The following AFAP1L2 variants were observed in gnomAD, a reference collection of about 807,000 sequenced individuals.
The protein encoded by AFAP1L2 is actin filament-associated protein 1-like 2.
Under a neutral mutation model 99.3 loss-of-function variants are expected in AFAP1L2, and 46 were observed. The ratio of observed to expected loss-of-function variants is 0.46; its 90% CI spans 0.37 to 0.59. AFAP1L2 has a LOEUF of 0.59. AFAP1L2 is among the 20% of genes least tolerant of loss of function. The probability of loss-of-function intolerance (pLI) is 0.00; values close to 1 mark genes in which losing one functional copy is unlikely to be tolerated. For synonymous variants in AFAP1L2, 397 were observed against 419.1 expected (o/e 0.95, Z 0.64); for missense variants, 959 against 1,034.9 (o/e 0.93, Z 1.01).
the AFAP1L2 span, among the ~76,000 whole-genome samples, chr10:114,287,316 G>A: frequency 6.6e-6 from 1 of 152,146 alleles, no homozygotes; most frequent in African/African-American, 2.4e-5. Flanking sequence ...GAATAGCCAG[G>A]ACTACAGGTG....
At chr10:114,401,114 C>T (rs1282936314) in intron 1 of AFAP1L2, among the ~76,000 whole-genome samples, 3 of 152,144 alleles carry the variant, frequency 2.0e-5, no homozygotes, top group Admixed American at 2.0e-4. Flanking sequence ...TAGAGCTAAG[C>T]GGGGGGACTG....
the AFAP1L2 span, among the ~76,000 whole-genome samples, chr10:114,287,091 A>T: frequency 1.3e-4 from 20 of 152,266 alleles, no homozygotes; most frequent in South Asian, 4.1e-3. Context: ...CATGAAGCTG[A>T]TTTTTTATGA....
At chr10:114,404,049 T>C (rs905189931) in intron 1 of AFAP1L2, among the ~76,000 whole-genome samples, 1 of 152,134 alleles carries the variant, frequency 6.6e-6, no homozygotes, top group Non-Finnish European at 1.5e-5. Context: ...CCCGACCCTT[T>C]GCCCCCAGCA....
downstream of AFAP1L2, chr10:114,290,106 A>G: frequency 8.0e-7 from 1 of 1,248,882 alleles, no homozygotes; most frequent in Non-Finnish European, 1.1e-6. Context: ...ATGCAGCACC[A>G]ACCATGAGCT....
intron 10 of AFAP1L2, among the ~76,000 whole-genome samples, chr10:114,305,828 ATCCAGGAGGGGACGCGGG>A (rs2042221662): frequency 9.4e-6 from 1 of 105,980 alleles, no homozygotes; most frequent in Non-Finnish European, 1.9e-5. Flanking sequence ...GGGGAGGCAG[ATCCAGGAGGGGACGCGGG>A]TGCAGGAGGG....
chr10:114,358,642 C>T (rs576776857), intron 1 of AFAP1L2, among the ~76,000 whole-genome samples: 21 of 152,220 alleles, frequency 1.4e-4, no homozygotes, highest in African/African-American at 3.6e-4. Context: ...AGGCTGGGCA[C>T]GGTGGCTCAC....
chr10:114,360,543 A>AGACG (rs1248852876), intron 1 of AFAP1L2, among the ~76,000 whole-genome samples: 27 of 150,792 alleles, frequency 1.8e-4, no homozygotes, highest in African/African-American at 6.5e-4. Flanking sequence ...ATAGATAGAT[A>AGACG]GATAGATAGA....
At chr10:114,314,603 G>A (rs923812710) in intron 6 of AFAP1L2, among the ~76,000 whole-genome samples, 3 of 152,196 alleles carry the variant, frequency 2.0e-5, no homozygotes, top group African/African-American at 7.2e-5. Context: ...TGCTTAAAAG[G>A]ATTACTTGAA....
At chr10:114,300,776 T>C (rs2041021769) in intron 13 of AFAP1L2, 86 bp from the exon 14 acceptor site, 1 of 1,497,312 alleles carries the variant, frequency 6.7e-7, no homozygotes, top group Non-Finnish European at 9.0e-7. Context: ...CTCACAGTTC[T>C]GGTGCCCATC....
intron 1 of AFAP1L2, among the ~76,000 whole-genome samples, chr10:114,381,834 C>T (rs747675508): frequency 6.6e-6 from 1 of 151,476 alleles, no homozygotes; most frequent in Non-Finnish European, 1.5e-5. Context: ...AACAATCCAA[C>T]AACAACAAAA....
At chr10:114,288,699 C>T in the AFAP1L2 span, among the ~76,000 whole-genome samples, 1 of 152,352 alleles carries the variant, frequency 6.6e-6, no homozygotes, top group African/African-American at 2.4e-5. Flanking sequence ...AACTTAGACA[C>T]GTGGCCACCC....
At chr10:114,372,302 C>A (rs2054222508) in intron 1 of AFAP1L2, among the ~76,000 whole-genome samples, 1 of 152,160 alleles carries the variant, frequency 6.6e-6, no homozygotes, top group South Asian at 2.1e-4. Flanking sequence ...CAACAGTTCC[C>A]AGATTTTCCC....
chr10:114,335,041 C>T (rs1590264846), intron 2 of AFAP1L2, among the ~76,000 whole-genome samples: 1 of 152,190 alleles, frequency 6.6e-6, no homozygotes, highest in African/African-American at 2.4e-5. Flanking sequence ...TGGGACATGA[C>T]TCAAAGGCTC....
At position 114,297,235 on chromosome 10, in the gene AFAP1L2, C is replaced by T. The variant is rs765433426; in HGVS notation, c.2292G>A (p.Glu764=). The change falls in exon 17 of 19, where the codon GAG becomes GAA. Residue 764 remains glutamate (E), a synonymous_variant. Coordinates refer to ENST00000304129, the MANE Select transcript of AFAP1L2 (RefSeq NM_001001936.3). ...CAGCACTCACGCGGGGGCTCACATTCTCCAGGTGGGTGGTGTCCACGGTGG... is the reference window on the plus strand; with the variant it reads ...CAGCACTCACGCGGGGGCTCACATTTTCCAGGTGGGTGGTGTCCACGGTGG... ...LGTTVDTTHL[E]NVSPRPKAVT... The T allele has an allele frequency of 1.3e-6, 2 of 1,481,782 alleles. No individual in the cohort carries two copies. The highest frequency in any genetic ancestry group is 1.8e-6 in the Non-Finnish European group (2 of 1,095,950). 91.8% of individuals were successfully genotyped at this position (1,481,782 alleles called of 1,614,324 possible).
At position 114,304,818 on chromosome 10, in the gene AFAP1L2, G is replaced by C. The variant is rs1219028062; in HGVS notation, c.1185C>G (p.Pro395=). The C allele has an allele frequency of 1.9e-6, 3 of 1,613,326 alleles. No homozygotes were observed. Among genetic ancestry groups the C allele is most frequent in the Non-Finnish European group, 2.5e-6 (3 of 1,180,034 alleles). ...DRNRSKVAQQ[P]LSLVGCEVVP... ...CCACCTCGCAGCCCACCAGGCTGAG[G>C]GGTTGCTGGGCCACCTTGCTCCGGT... The change falls in exon 11 of 19, where the codon CCC becomes CCG. Residue 395 remains proline, a synonymous_variant. Coordinates refer to ENST00000304129, the MANE Select transcript of AFAP1L2 (RefSeq NM_001001936.3).
chr10:114,339,534 C>T (rs1480733337), intron 2 of AFAP1L2, among the ~76,000 whole-genome samples: 1 of 152,234 alleles, frequency 6.6e-6, no homozygotes, highest in Admixed American at 6.5e-5. Flanking sequence ...GGGCCCAACT[C>T]GGGTCAGTCC....
rs369500918 is a variant in AFAP1L2 at position 114,327,147 on chromosome 10, TTATATA to T, written c.316-3892_316-3887del. On this transcript the variant is annotated intron_variant, in intron 4 of 18. Coordinates refer to ENST00000304129, the MANE Select transcript of AFAP1L2 (RefSeq NM_001001936.3). ...TGAAGACCGTGAATTTTATATATAT[TTATATA>T]TATATATATATATATATATATTTTT... Among the ~76,000 whole-genome samples the T allele has an allele frequency of 1.3e-3, 72 of 54,536 alleles. 2 individuals are homozygous for T. Among genetic ancestry groups the T allele is most frequent in the African/African-American group, 2.6e-3 (63 of 24,556 alleles). The allele number at this position is 54,536 out of a possible 152,430, so 35.8% of individuals were successfully genotyped here. A position where few individuals can be genotyped will look rare whatever the true frequency, so the allele number is the denominator to read the frequency against.
downstream of AFAP1L2, among the ~76,000 whole-genome samples, chr10:114,294,443 C>T (rs371083117): frequency 5.1e-4 from 78 of 152,158 alleles, no homozygotes; most frequent in African/African-American, 1.5e-3. Flanking sequence ...TTAATGAACC[C>T]GATTTTGATT....
intron 4 of AFAP1L2, among the ~76,000 whole-genome samples, chr10:114,327,751 G>C (rs1490683861): frequency 6.6e-6 from 1 of 152,220 alleles, no homozygotes; most frequent in Non-Finnish European, 1.5e-5. Flanking sequence ...GGATGTTACA[G>C]ATCAGATTTG....
Sources: allele counts gnomAD v4.1 joint callset (sites outside exome capture counted in the v4.1 genomes callset), GRCh38; gene constraint gnomAD v4.1.1; transcripts MANE v1.5; gene names NCBI Gene and HGNC (gene_info 2026-07-23, HGNC 2026-07-21).